The following KCNB2 variants were observed in gnomAD, a reference collection of about 807,000 sequenced individuals.
KCNB2 encodes the protein delayed rectifier potassium channel protein.
Under a neutral mutation model 61.5 loss-of-function variants are expected in KCNB2, and 15 were observed. The ratio of observed to expected loss-of-function variants is 0.24; its 90% CI spans 0.16 to 0.38. The LOEUF (loss-of-function observed/expected upper bound fraction) is 0.38. Ranked by LOEUF, KCNB2 falls within the 10% of genes least tolerant of loss-of-function variation. The pLI is 1.00. For synonymous variants in KCNB2, 457 were observed against 446.0 expected (o/e 1.02, Z -0.31); for missense variants, 828 against 1,125.2 (o/e 0.74, Z 3.78).
At chr8:72,894,862 A>T (rs1805964398) in intron 2 of KCNB2, among the ~76,000 whole-genome samples, 1 of 152,218 alleles carries the variant, frequency 6.6e-6, no homozygotes, top group Admixed American at 6.5e-5. Context: ...GAACACAGAC[A>T]TGATGGGGAT....
At chr8:72,931,789 A>T (rs1488696445) in intron 2 of KCNB2, among the ~76,000 whole-genome samples, 1 of 152,158 alleles carries the variant, frequency 6.6e-6, no homozygotes, top group Non-Finnish European at 1.5e-5. Flanking sequence ...AGGTGGGTGA[A>T]TCAACTTGAG....
intron 2 of KCNB2, among the ~76,000 whole-genome samples, chr8:72,681,481 G>A (rs1031618271): frequency 1.3e-5 from 2 of 151,954 alleles, no homozygotes; most frequent in African/African-American, 4.8e-5. Flanking sequence ...AGGTCTTCAG[G>A]GGCAATAACA....
At chr8:72,795,004 G>T (rs188272812) in intron 2 of KCNB2, among the ~76,000 whole-genome samples, 1 of 152,338 alleles carries the variant, frequency 6.6e-6, no homozygotes, top group East Asian at 1.9e-4. Flanking sequence ...TACTGGTAAT[G>T]ACAATAAGAT....
chr8:72,546,862 A>G (rs1806267575), intron 1 of KCNB2, among the ~76,000 whole-genome samples: 6 of 152,216 alleles, frequency 3.9e-5, no homozygotes, highest in Non-Finnish European at 1.5e-5. Context: ...CCCACAACAG[A>G]TTTTTAATGG....
intron 1 of KCNB2, among the ~76,000 whole-genome samples, chr8:72,542,119 C>T (rs1806197580): frequency 6.6e-6 from 1 of 152,028 alleles, no homozygotes; most frequent in South Asian, 2.1e-4. Context: ...AGATTTTCAT[C>T]AAGAAAAGTT....
intron 2 of KCNB2, among the ~76,000 whole-genome samples, chr8:72,571,922 CT>C (rs965837395): frequency 6.6e-6 from 1 of 152,204 alleles, no homozygotes; most frequent in African/African-American, 2.4e-5. Flanking sequence ...ATTTTTCTCT[CT>C]TTTCCTTGGC....
At chr8:72,577,208 T>A (rs1806808911) in intron 2 of KCNB2, among the ~76,000 whole-genome samples, 1 of 152,174 alleles carries the variant, frequency 6.6e-6, no homozygotes, top group South Asian at 2.1e-4. Context: ...GTTGTCAAGT[T>A]TCTGTGTCTA....
chr8:72,715,003 T>C (rs1369734827), intron 2 of KCNB2, among the ~76,000 whole-genome samples: 1 of 152,000 alleles, frequency 6.6e-6, no homozygotes, highest in Non-Finnish European at 1.5e-5. Context: ...AAGGCAGGGG[T>C]TGCAATCCTA....
intron 2 of KCNB2, among the ~76,000 whole-genome samples, chr8:72,653,729 A>G (rs1806246448): frequency 6.6e-6 from 1 of 152,188 alleles, no homozygotes; most frequent in African/African-American, 2.4e-5. Context: ...TTGAATCGTC[A>G]TGACAGAGAC....
chr8:72,591,631 A>G (rs1585771146), intron 2 of KCNB2, among the ~76,000 whole-genome samples: 1 of 152,254 alleles, frequency 6.6e-6, no homozygotes, highest in African/African-American at 2.4e-5. Flanking sequence ...TTTCCTGTTC[A>G]CTAGACTTGA....
intron 2 of KCNB2, among the ~76,000 whole-genome samples, chr8:72,742,439 A>T (rs1807977272): frequency 6.6e-6 from 1 of 152,040 alleles, no homozygotes; most frequent in Non-Finnish European, 1.5e-5. Context: ...ATAAATTAAG[A>T]CTTTACACCC....
chr8:72,918,409 G>C (rs1362659866), intron 2 of KCNB2, among the ~76,000 whole-genome samples: 1 of 152,146 alleles, frequency 6.6e-6, no homozygotes, highest in Non-Finnish European at 1.5e-5. Flanking sequence ...TATGTAGAAA[G>C]CTTAGAATTT....
chr8:72,653,269 G>A, intron 2 of KCNB2, among the ~76,000 whole-genome samples: 1 of 152,192 alleles, frequency 6.6e-6, no homozygotes, highest in South Asian at 2.1e-4. Context: ...ACTATACTTT[G>A]TAGCAGCTTT....
At chr8:72,698,879 A>G (rs971256798) in intron 2 of KCNB2, among the ~76,000 whole-genome samples, 3 of 152,190 alleles carry the variant, frequency 2.0e-5, no homozygotes, top group African/African-American at 7.2e-5. Context: ...TGAATTAAAC[A>G]TTTAAATGTA....
intron 2 of KCNB2, among the ~76,000 whole-genome samples, chr8:72,735,192 A>C (rs976595990): frequency 2.6e-5 from 4 of 152,190 alleles, no homozygotes; most frequent in African/African-American, 4.8e-5. Context: ...AATGGCATCC[A>C]GGAGTGAAGT....
intron 2 of KCNB2, among the ~76,000 whole-genome samples, chr8:72,730,214 C>A (rs1034258947): frequency 1.3e-5 from 2 of 152,114 alleles, no homozygotes; most frequent in Non-Finnish European, 2.9e-5. Flanking sequence ...TGTTAAGGGC[C>A]AACTAGAGCC....
At chr8:72,717,539 C>G (rs1298415284) in intron 2 of KCNB2, among the ~76,000 whole-genome samples, 1 of 152,138 alleles carries the variant, frequency 6.6e-6, no homozygotes, top group Non-Finnish European at 1.5e-5. Flanking sequence ...CTTTGACAAA[C>G]CTGACAAAAA....
In KCNB2 at chr8:72,600,191, C is replaced by T. The variant is rs545408441; in HGVS notation, c.579+31878C>T. 1.1e-3 allele frequency among the ~76,000 whole-genome samples: 163 copies of T among 152,200 alleles called. 1 individual carries two copies. The East Asian group carries it at 0.03, about 28-fold the overall frequency. The stretch of plus-strand genomic sequence containing the variant: ...CACAATAGCAAAGACTTGGAACCAA[C>T]CCAAATGTCCAACAATGATAGACTG... On this transcript the variant is annotated intron_variant, in intron 2 of 2. Transcript: ENST00000523207.
chr8:72,640,743 C>A (rs967551836), intron 2 of KCNB2, among the ~76,000 whole-genome samples: 2 of 151,980 alleles, frequency 1.3e-5, no homozygotes, highest in Non-Finnish European at 2.9e-5. Context: ...GATGTTACAT[C>A]GTGGTTGGTT....
Sources: allele counts gnomAD v4.1 joint callset (sites outside exome capture counted in the v4.1 genomes callset), GRCh38; gene constraint gnomAD v4.1.1; transcripts MANE v1.5; gene names NCBI Gene and HGNC (gene_info 2026-07-23, HGNC 2026-07-21).